The following EPC2 variants were observed in gnomAD, a reference collection of about 807,000 sequenced individuals.
EPC2 encodes the protein enhancer of polycomb 2.
A neutral mutation model predicts 92.1 loss-of-function variants in EPC2; 14 were observed. The observed-to-expected ratio is 0.15, with a 90% CI of 0.10 to 0.24. EPC2 has a LOEUF of 0.24. Ranked by LOEUF, EPC2 falls within the 10% of genes least tolerant of loss-of-function variation. The pLI is 1.00. For synonymous variants in EPC2, 340 were observed against 334.7 expected (o/e 1.02, Z -0.17); for missense variants, 755 against 971.5 (o/e 0.78, Z 2.96).
At chr2:148,771,865 C>A (rs1216808557) in intron 10 of EPC2, among the ~76,000 whole-genome samples, 1 of 151,058 alleles carries the variant, frequency 6.6e-6, no homozygotes, top group Non-Finnish European at 1.5e-5. Flanking sequence ...GTGGCTTAAT[C>A]TCAGCTCACT....
intron 2 of EPC2, among the ~76,000 whole-genome samples, chr2:148,715,938 C>G (rs1023932933): frequency 3.9e-5 from 6 of 152,186 alleles, no homozygotes; most frequent in African/African-American, 1.4e-4. Context: ...AGGTCCCTCA[C>G]TTCCCTTATT....
intron 2 of EPC2, among the ~76,000 whole-genome samples, chr2:148,738,025 A>T (rs1412930963): frequency 6.6e-6 from 1 of 152,082 alleles, no homozygotes; most frequent in African/African-American, 2.4e-5. Flanking sequence ...ATATTTTAGC[A>T]TTCTCTTTGT....
At chr2:148,656,591 T>C (rs62184085) in intron 1 of EPC2, among the ~76,000 whole-genome samples, 1 of 152,216 alleles carries the variant, frequency 6.6e-6, no homozygotes, top group African/African-American at 2.4e-5. Context: ...TTGTGATGTT[T>C]ATTCATTCAG....
chr2:148,721,836 C>G (rs1682381090), intron 2 of EPC2, among the ~76,000 whole-genome samples: 2 of 134,152 alleles, frequency 1.5e-5, no homozygotes, highest in Non-Finnish European at 3.1e-5. Context: ...TCAGATGCAT[C>G]TCTATTATAT....
chr2:148,772,702 C>T (rs970030551), intron 10 of EPC2, among the ~76,000 whole-genome samples: 3 of 152,144 alleles, frequency 2.0e-5, no homozygotes, highest in African/African-American at 7.2e-5. Context: ...ATATAAAGTT[C>T]ATGAGTCTGT....
rs149038625 is a variant in EPC2, at chr2:148,683,833, C to G, written c.154-6381C>G. 3.5e-4 allele frequency among the ~76,000 whole-genome samples: 53 copies of G among 152,258 alleles called. No homozygotes were observed. The East Asian group carries it at 0.01, about 29-fold the overall frequency. On this transcript the variant is annotated intron_variant, in intron 1 of 13. Transcript: ENST00000258484. ...ATTGCAAATTGTACTGCTGTAAATG[C>G]GTGCAAGTGTCTTTTTCATATAATG...
At chr2:148,655,920 T>C (rs1680783531) in intron 1 of EPC2, among the ~76,000 whole-genome samples, 1 of 149,840 alleles carries the variant, frequency 6.7e-6, no homozygotes, top group Admixed American at 6.8e-5. Flanking sequence ...TATAAAAATT[T>C]AACAGCACAA....
chr2:148,722,067 G>A (rs994833920), intron 2 of EPC2, among the ~76,000 whole-genome samples: 11 of 151,862 alleles, frequency 7.2e-5, no homozygotes, highest in African/African-American at 2.7e-4. Context: ...TGCTTAGTAT[G>A]TCTTATAATT....
rs553960936 is a variant in EPC2, at chr2:148,699,318, T to TA, written c.313+8946dup. The stretch of plus-strand genomic sequence containing the variant: ...TAATGATGTTATTAAAGTTCATAGT[T>TA]ACAGTTTGCTCTTTGTATTGTACAG... On this transcript the variant is annotated intron_variant, in intron 2 of 13. Transcript: ENST00000258484. Among the ~76,000 whole-genome samples, 7 of 152,330 alleles carry TA rather than the reference T, an allele frequency of 4.6e-5. No homozygotes were observed. The East Asian group carries it at 1.3e-3, about 29-fold the overall frequency.
chr2:148,675,532 G>C (rs1681246098), intron 1 of EPC2, among the ~76,000 whole-genome samples: 1 of 152,028 alleles, frequency 6.6e-6, no homozygotes, highest in Non-Finnish European at 1.5e-5. Context: ...TTAGTTTAAT[G>C]GTACCCTCTT....
chr2:148,737,654 T>C (rs1283056315), intron 2 of EPC2, among the ~76,000 whole-genome samples: 1 of 152,034 alleles, frequency 6.6e-6, no homozygotes. Context: ...GAAGGAAAAA[T>C]AGTTGCATAG....
At chr2:148,758,666 G>A (rs1262119821) in intron 4 of EPC2, among the ~76,000 whole-genome samples, 1 of 152,166 alleles carries the variant, frequency 6.6e-6, no homozygotes, top group African/African-American at 2.4e-5. Flanking sequence ...AAAGTGCTGG[G>A]ATTGCAGGCA....
chr2:148,715,025 GTTTTTTTT>G (rs60115354), intron 2 of EPC2, among the ~76,000 whole-genome samples: 102 of 86,906 alleles, frequency 1.2e-3, no homozygotes, highest in African/African-American at 4.6e-3. Flanking sequence ...TTCTTCTAGG[GTTTTTTTT>G]TTTTTTTTTT....
rs1683042551 is a variant in EPC2, at chr2:148,749,260, C to T, written c.460-4667C>T. ...TCATAGTACCAGCAGCAGTGGTTTCCCTACTGGATCAGTTCTGTGGCCTGA... is the reference window on the plus strand; with the variant it reads ...TCATAGTACCAGCAGCAGTGGTTTCTCTACTGGATCAGTTCTGTGGCCTGA... On this transcript the variant is annotated intron_variant, in intron 3 of 13. Coordinates refer to ENST00000258484, the MANE Select transcript of EPC2 (RefSeq NM_015630.4). Among the ~76,000 whole-genome samples the T allele has an allele frequency of 2.0e-5, 3 of 152,114 alleles. No individual in the cohort carries two copies. The South Asian group carries it at 6.2e-4, about 32-fold the overall frequency.
chr2:148,748,503 C>T (rs1236538341), intron 3 of EPC2, among the ~76,000 whole-genome samples: 1 of 151,790 alleles, frequency 6.6e-6, no homozygotes, highest in African/African-American at 2.4e-5. Flanking sequence ...TTTTTTGTTC[C>T]ACAATGTTAC....
At chr2:148,698,455 G>T (rs1372363680) in intron 2 of EPC2, among the ~76,000 whole-genome samples, 1 of 151,880 alleles carries the variant, frequency 6.6e-6, no homozygotes, top group African/African-American at 2.4e-5. Context: ...GGCCAAGATG[G>T]TGAAACCCTA....
intron 1 of EPC2, among the ~76,000 whole-genome samples, chr2:148,679,904 C>T (rs1256135876): frequency 6.6e-6 from 1 of 152,144 alleles, no homozygotes; most frequent in Admixed American, 6.5e-5. Flanking sequence ...TGTCTTGCCT[C>T]CCAAAGTGTT....
At chr2:148,681,090 C>T (rs969791668) in intron 1 of EPC2, among the ~76,000 whole-genome samples, 1 of 152,104 alleles carries the variant, frequency 6.6e-6, no homozygotes, top group African/African-American at 2.4e-5. Flanking sequence ...TTATGGTGTG[C>T]CAGGCACTGG....
intron 4 of EPC2, among the ~76,000 whole-genome samples, chr2:148,760,208 G>T (rs1683276031): frequency 6.6e-6 from 1 of 152,114 alleles, no homozygotes; most frequent in African/African-American, 2.4e-5. Context: ...AGTGAGCTGA[G>T]ATCACACCAC....
Sources: gnomAD v4.1 joint callset for allele counts (sites outside exome capture counted in the v4.1 genomes callset) on GRCh38, gnomAD v4.1.1 for gene constraint, MANE v1.5 for transcripts, NCBI Gene and HGNC (gene_info 2026-07-23, HGNC 2026-07-21) for gene names.